Variants in SIPA1L3 observed in about 807,000 individuals in gnomAD.
SIPA1L3 encodes signal induced proliferation associated 1 like 3.
A neutral mutation model predicts 150.1 loss-of-function variants in SIPA1L3; 59 were observed. The ratio of observed to expected loss-of-function variants is 0.39; its 90% CI spans 0.32 to 0.49. The LOEUF is 0.49. Ranked by LOEUF, SIPA1L3 falls within the 20% of genes least tolerant of loss-of-function variation. SIPA1L3 has a pLI of 0.86. For missense variants in SIPA1L3, 2,211 were observed against 2,489.5 expected, an observed-to-expected ratio of 0.89 and a Z score of 2.38; for synonymous variants, 1,070 against 1,077.6, an observed-to-expected ratio of 0.99 and a Z score of 0.14.
intron 13 of SIPA1L3, among the ~76,000 whole-genome samples, chr19:38,156,278 C>T (rs554597667): frequency 6.9e-4 from 104 of 151,806 alleles, no homozygotes; most frequent in African/African-American, 2.4e-3. Flanking sequence ...CCTTTTTCCT[C>T]AGCAAGTTCA....
chr19:38,117,496 G>A (rs906215577), intron 8 of SIPA1L3, among the ~76,000 whole-genome samples: 2 of 152,076 alleles, frequency 1.3e-5, no homozygotes, highest in Non-Finnish European at 2.9e-5. Flanking sequence ...GCAGGTGCCT[G>A]TAATCCCAGC....
chr19:38,013,286 C>G (rs1436604508), intron 1 of SIPA1L3, among the ~76,000 whole-genome samples: 3 of 152,088 alleles, frequency 2.0e-5, no homozygotes, highest in Non-Finnish European at 4.4e-5. Flanking sequence ...CGTACCAGGT[C>G]CAAAAAGCAA....
At chr19:38,142,112 G>T (rs8107385) in intron 11 of SIPA1L3, among the ~76,000 whole-genome samples, 60,213 of 152,066 alleles carry the variant, frequency 0.4, 12,353 homozygotes, top group East Asian at 0.62. Flanking sequence ...TAGCACCACC[G>T]TTCTAGTCCT....
intron 2 of SIPA1L3, among the ~76,000 whole-genome samples, chr19:38,059,653 G>C (rs776616000): frequency 6.6e-6 from 1 of 152,166 alleles, no homozygotes; most frequent in African/African-American, 2.4e-5. Flanking sequence ...ATACAGACAA[G>C]CATGTAAAAC....
At position 38,180,611 on chromosome 19, in the gene SIPA1L3, TC is replaced by T. The variant is rs576714833; in HGVS notation, c.4209-1907del. Among the ~76,000 whole-genome samples the T allele has an allele frequency of 8.6e-3, 1,300 of 151,226 alleles. 8 individuals are homozygous for T. Among genetic ancestry groups the T allele is most frequent in the Non-Finnish European group, 0.015 (999 of 67,876 alleles). On this transcript the variant is annotated intron_variant, in intron 15 of 21. Transcript: ENST00000222345. ...AGTGCAACGGCATAATGGCGTGATC[TC>T]GGCTCACCGCGACCTCCGCCTCCCG...
intron 10 of SIPA1L3, among the ~76,000 whole-genome samples, chr19:38,133,410 T>C (rs1250828170): frequency 1.3e-5 from 2 of 152,226 alleles, no homozygotes; most frequent in African/African-American, 4.8e-5. Context: ...AACCGTTTAG[T>C]TACCCTGAGG....
At chr19:38,167,111 T>A (rs573311084) in intron 15 of SIPA1L3, among the ~76,000 whole-genome samples, 1 of 151,334 alleles carries the variant, frequency 6.6e-6, no homozygotes, top group Non-Finnish European at 1.5e-5. Context: ...TGGGCACCTG[T>A]AGTCCCAGAT....
intron 1 of SIPA1L3, among the ~76,000 whole-genome samples, chr19:38,011,382 G>A (rs561077103): frequency 1.3e-5 from 2 of 152,110 alleles, no homozygotes; most frequent in African/African-American, 2.4e-5. Flanking sequence ...AGGCTAAGGT[G>A]GGGGAATCAC....
intron 13 of SIPA1L3, among the ~76,000 whole-genome samples, chr19:38,154,821 G>T (rs957755807): frequency 2.0e-5 from 3 of 149,640 alleles, no homozygotes; most frequent in African/African-American, 7.5e-5. Context: ...GAGTGCAGTG[G>T]CGTAATCTCA....
intron 3 of SIPA1L3, among the ~76,000 whole-genome samples, chr19:38,084,635 C>CTTTTTTTTTTTTTTTTT (rs902218818): frequency 9.6e-6 from 1 of 104,498 alleles, no homozygotes; most frequent in Non-Finnish European, 1.9e-5. Context: ...TTTTCTTTTT[C>CTTTTTTTTTTTTTTTTT]TTTTTTTTTT....
At chr19:38,101,668 C>T (rs924500502) in intron 6 of SIPA1L3, among the ~76,000 whole-genome samples, 6 of 152,188 alleles carry the variant, frequency 3.9e-5, no homozygotes, top group African/African-American at 7.2e-5. Context: ...ACCTCAGCCT[C>T]TCAAAGTGTT....
At chr19:37,940,308 A>G (rs929208015) in intron 1 of SIPA1L3, among the ~76,000 whole-genome samples, 2 of 151,838 alleles carry the variant, frequency 1.3e-5, no homozygotes, top group East Asian at 1.9e-4. Context: ...CAAAAAAAAA[A>G]ACAAAAAAAA....
chr19:37,993,603 C>A (rs1419294144), intron 1 of SIPA1L3, among the ~76,000 whole-genome samples: 1 of 152,172 alleles, frequency 6.6e-6, no homozygotes, highest in Non-Finnish European at 1.5e-5. Context: ...ATCGCAGATA[C>A]GTTCAGGGGA....
intron 9 of SIPA1L3, among the ~76,000 whole-genome samples, chr19:38,129,609 A>G (rs1460678653): frequency 1.6e-5 from 2 of 124,560 alleles, no homozygotes; most frequent in Non-Finnish European, 3.6e-5. Context: ...TGGGCGACAG[A>G]GCGAGACTCT....
chr19:38,151,901 G>T (rs934427095), intron 12 of SIPA1L3, among the ~76,000 whole-genome samples: 1 of 146,744 alleles, frequency 6.8e-6, no homozygotes, highest in Non-Finnish European at 1.5e-5. Flanking sequence ...GGCGGAGGTT[G>T]CAGTGAGCTG....
intron 13 of SIPA1L3, among the ~76,000 whole-genome samples, chr19:38,155,809 A>G (rs1319316130): frequency 6.6e-6 from 1 of 152,098 alleles, no homozygotes; most frequent in Non-Finnish European, 1.5e-5. Context: ...TAAACCAGAG[A>G]CAGTGTCACG....
chr19:38,101,940 G>C (rs999138805), intron 6 of SIPA1L3, among the ~76,000 whole-genome samples: 2 of 152,246 alleles, frequency 1.3e-5, no homozygotes, highest in African/African-American at 4.8e-5. Flanking sequence ...ACAGGCATCA[G>C]CGTGGAAGAG....
At chr19:38,123,741 G>A (rs990074037) in intron 9 of SIPA1L3, among the ~76,000 whole-genome samples, 2 of 151,688 alleles carry the variant, frequency 1.3e-5, no homozygotes, top group Non-Finnish European at 2.9e-5. Flanking sequence ...CCACAAAACC[G>A]CCATTGTCAT....
At chr19:38,112,313 TACAC>T (rs897550131) in intron 8 of SIPA1L3, among the ~76,000 whole-genome samples, 4 of 151,674 alleles carry the variant, frequency 2.6e-5, no homozygotes, top group Admixed American at 2.0e-4. Flanking sequence ...CACGCACACA[TACAC>T]ACATGCACAC....
Sources: allele counts gnomAD v4.1 joint callset (sites outside exome capture counted in the v4.1 genomes callset), GRCh38; gene constraint gnomAD v4.1.1; transcripts MANE v1.5; gene names NCBI Gene and HGNC (gene_info 2026-07-23, HGNC 2026-07-21).